Variants in KDM5A observed in about 807,000 individuals in gnomAD.
KDM5A encodes the protein lysine-specific demethylase 5A.
Under a neutral mutation model 193.5 loss-of-function variants are expected in KDM5A, and 42 were observed. That is an observed-to-expected ratio of 0.22 (90% CI 0.17 to 0.28). KDM5A has a LOEUF of 0.28. KDM5A is among the 10% of genes least tolerant of loss of function. The pLI, the probability that KDM5A is intolerant of heterozygous loss-of-function variation, is 1.00. For missense variants in KDM5A, 1,692 were observed against 2,055.1 expected, an observed-to-expected ratio of 0.82 and a Z score of 3.42; for synonymous variants, 796 against 718.1, an observed-to-expected ratio of 1.11 and a Z score of -1.73.
At chr12:353,951 A>G (rs1166111624) in intron 8 of KDM5A, 125 bp downstream of exon 8, 1 of 729,570 alleles carries the variant, frequency 1.4e-6, no homozygotes, top group Non-Finnish European at 2.2e-6. Flanking sequence ...TGGAAATTTT[A>G]AACACTACAT....
rs548508290 is a variant in KDM5A at position 309,068 on chromosome 12, T to G, written c.3378+735A>C. 4.6e-5 allele frequency among the ~76,000 whole-genome samples: 7 copies of G among 152,294 alleles called. No homozygotes were observed. The South Asian group carries it at 1.2e-3, about 27-fold the overall frequency. ...TTCCTAAGAGTCAAGTCTAGGAAAT[T>G]TAAAAGAAGGAAAAGGTTATAAAAG... is the stretch of plus-strand genomic sequence containing the variant. On this transcript the variant is annotated intron_variant, in intron 22 of 27. Coordinates refer to ENST00000399788, the MANE Select transcript of KDM5A (RefSeq NM_001042603.3).
Position 328,961 on chromosome 12 carries a change from C to T in KDM5A, c.1842G>A (p.Glu614=), listed in dbSNP as rs1428985083. The change falls in exon 14 of 28, where the codon GAG becomes GAA. Residue 614 remains glutamate, a synonymous_variant. Transcript: ENST00000399788. Reference sequence around the variant, plus strand: ...CTGCTGCCATCTTGAAAATTAGTTCCTCGTGTGAAAAGACACAGTGGCGCC... The same window carrying T: ...CTGCTGCCATCTTGAAAATTAGTTCTTCGTGTGAAAAGACACAGTGGCGCC... ...RLRRHCVFSH[E]ELIFKMAADP... 1 of 1,614,220 alleles carries T rather than the reference C, an allele frequency of 6.2e-7. No individual in the cohort carries two copies. Among genetic ancestry groups the T allele is most frequent in the African/African-American group, 1.3e-5 (1 of 75,058 alleles).
intron 10 of KDM5A, 88 bp downstream of exon 10, chr12:350,533 T>C: frequency 7.7e-7 from 1 of 1,304,574 alleles, no homozygotes; most frequent in Non-Finnish European, 1.1e-6. Flanking sequence ...GTATTTAATA[T>C]TTTAAGTTAA....
intron 10 of KDM5A, among the ~76,000 whole-genome samples, chr12:335,177 T>C (rs1026928033): frequency 4.6e-5 from 7 of 152,088 alleles, no homozygotes; most frequent in Middle Eastern, 6.8e-3. Flanking sequence ...GGAAACAGAG[T>C]GGAAGCAAGC....
intron 9 of KDM5A, among the ~76,000 whole-genome samples, chr12:351,226 C>G (rs1213532388): frequency 6.6e-6 from 1 of 152,082 alleles, no homozygotes; most frequent in Non-Finnish European, 1.5e-5. Context: ...TACTCCCGGA[C>G]AGGCCCCGGT....
In KDM5A at chr12:350,643, C is replaced by T; in HGVS notation, c.1286G>A (p.Arg429Lys). The change falls in exon 10 of 28, where the codon AGA (arginine) becomes AAA (lysine). Residue 429 changes from arginine (R) to lysine (K), a missense_variant. Arg to Lys is a conservative substitution (Grantham distance 26). Coordinates refer to ENST00000399788, the MANE Select transcript of KDM5A (RefSeq NM_001042603.3). ...GSGFPVKDGR[R>K]KILPEEEEYA... ...CACCTCTTCTTCTGGCAGAATCTTTCTCCGCCCATCCTTCACCGGAAATCC... is the reference window on the plus strand; with the variant it reads ...CACCTCTTCTTCTGGCAGAATCTTTTTCCGCCCATCCTTCACCGGAAATCC... The T allele has an allele frequency of 3.7e-6, 6 of 1,614,038 alleles. No homozygotes were observed. The highest frequency in any genetic ancestry group is 5.1e-6 in the Non-Finnish European group (6 of 1,179,974).
chr12:381,725 A>G (rs1944575129), intron 3 of KDM5A, among the ~76,000 whole-genome samples: 1 of 152,178 alleles, frequency 6.6e-6, no homozygotes, highest in Non-Finnish European at 1.5e-5. Context: ...TTAGCGTAAG[A>G]CCGTACTTCC....
At chr12:352,570 C>T (rs1944177187) in intron 8 of KDM5A, among the ~76,000 whole-genome samples, 1 of 152,152 alleles carries the variant, frequency 6.6e-6, no homozygotes, top group African/African-American at 2.4e-5. Flanking sequence ...CCAGAGGTAG[C>T]ATTAAGTTCT....
intron 3 of KDM5A, among the ~76,000 whole-genome samples, chr12:366,366 C>T (rs762358028): frequency 9.9e-5 from 15 of 152,196 alleles, no homozygotes; most frequent in South Asian, 2.1e-4. Flanking sequence ...CTGTACAGTA[C>T]GCACTGTGAG....
intron 3 of KDM5A, among the ~76,000 whole-genome samples, chr12:382,463 C>CAAA (rs773047995): frequency 1.0e-5 from 1 of 96,236 alleles, no homozygotes. Context: ...GACTCCATTT[C>CAAA]AAAAAAAAAA....
Position 322,587 on chromosome 12 carries a change from G to C in KDM5A, c.2276-20C>G, listed in dbSNP as rs773640537. The stretch of plus-strand genomic sequence containing the variant: ...TCAAATCTGTAAAAATTTAAATAAA[G>C]AGCCATATACAATAACCATAGACAC... On this transcript the variant is annotated intron_variant, in intron 16 of 27. Transcript: ENST00000399788. 1.1e-5 allele frequency: 17 copies of C among 1,604,384 alleles called. No individual in the cohort carries two copies. The highest frequency in any genetic ancestry group is 1.4e-5 in the Non-Finnish European group (17 of 1,174,378).
chr12:346,780 C>G (rs1324425629), intron 10 of KDM5A, among the ~76,000 whole-genome samples: 3 of 152,090 alleles, frequency 2.0e-5, no homozygotes, highest in Admixed American at 1.3e-4. Context: ...ATAATAAGAG[C>G]TATTTATGAC....
intron 10 of KDM5A, among the ~76,000 whole-genome samples, chr12:339,033 C>A (rs774006147): frequency 1.3e-5 from 2 of 151,980 alleles, no homozygotes; most frequent in Non-Finnish European, 2.9e-5. Flanking sequence ...ACATAAGTAG[C>A]CGGGCGTGGT....
At chr12:308,220 G>T (rs1002215174) in intron 22 of KDM5A, among the ~76,000 whole-genome samples, 6 of 152,218 alleles carry the variant, frequency 3.9e-5, no homozygotes, top group African/African-American at 1.4e-4. Flanking sequence ...CAGTACTTTG[G>T]CCTCTTCTGT....
Position 352,341 on chromosome 12 carries a change from TG to T in KDM5A, c.1030-18del, listed in dbSNP as rs777528649. 3.1e-6 allele frequency: 5 copies of T among 1,611,172 alleles called. No individual in the cohort carries two copies. In the African/African-American group the frequency reaches 5.3e-5, roughly 17 times the overall value. Reference sequence around the variant, plus strand: ...GCTACATTCCTGGAAAGAAAAAATATGTAAGATTAACTTACTGAAACTAAAC... The same window carrying T: ...GCTACATTCCTGGAAAGAAAAAATATTAAGATTAACTTACTGAAACTAAAC... On this transcript the variant is annotated intron_variant, in intron 8 of 27. Transcript: ENST00000399788.
chr12:365,587 T>C (rs1270196983), intron 4 of KDM5A, among the ~76,000 whole-genome samples: 2 of 152,144 alleles, frequency 1.3e-5, no homozygotes, highest in African/African-American at 2.4e-5. Flanking sequence ...GCTGCATAAA[T>C]GTAGAAATGT....
intron 4 of KDM5A, among the ~76,000 whole-genome samples, chr12:365,255 T>C (rs1319373337): frequency 6.6e-6 from 1 of 152,184 alleles, no homozygotes; most frequent in Middle Eastern, 3.2e-3. Flanking sequence ...GGTTTCACCA[T>C]GATGCCCAGG....
chr12:312,980 A>G, intron 20 of KDM5A, 76 bp downstream of exon 20: 1 of 1,424,088 alleles, frequency 7.0e-7, no homozygotes, highest in Non-Finnish European at 9.9e-7. Flanking sequence ...TCTATTCTAA[A>G]GAATTAATAG....
Position 356,318 on chromosome 12 carries a change from G to A in KDM5A, c.778+114C>T, listed in dbSNP as rs1045938448. On this transcript the variant is annotated intron_variant, in intron 6 of 27. Coordinates refer to ENST00000399788, the MANE Select transcript of KDM5A (RefSeq NM_001042603.3). Reference sequence around the variant, plus strand: ...GCGATTTGCCTAGGAACCACATTGCGATTTTACAATTCTTAAGAAATTCCC... The same window carrying A: ...GCGATTTGCCTAGGAACCACATTGCAATTTTACAATTCTTAAGAAATTCCC... 16 of 748,838 alleles carry A rather than the reference G, an allele frequency of 2.1e-5. 1 individual carries two copies. Among genetic ancestry groups the A allele is most frequent in the African/African-American group, 1.9e-4 (11 of 57,618 alleles). 46.4% of individuals were successfully genotyped at this position (748,838 alleles called of 1,614,324 possible).
Sources: allele counts gnomAD v4.1 joint callset (sites outside exome capture counted in the v4.1 genomes callset), GRCh38; gene constraint gnomAD v4.1.1; transcripts MANE v1.5; gene names NCBI Gene and HGNC (gene_info 2026-07-23, HGNC 2026-07-21).